ARMH4: variants seen among roughly 807,000 people sequenced by gnomAD.
ARMH4 encodes the protein armadillo-like helical domain-containing protein 4.
ARMH4 carries 49 observed loss-of-function variants against 61.9 expected under a neutral mutation model. The ratio of observed to expected loss-of-function variants is 0.79; its 90% confidence interval spans 0.63 to 1.00. The LOEUF is 1.00. Among genes scored for constraint, ARMH4 ranks in the 50% least tolerant of loss-of-function variants. The pLI is 0.00. For missense variants in ARMH4, 934 were observed against 930.0 expected (o/e 1.00, Z -0.06); for synonymous variants, 368 against 341.5 (o/e 1.08, Z -0.85).
intron 5 of ARMH4, among the ~76,000 whole-genome samples, chr14:58,018,751 C>G (rs1285760075): frequency 6.6e-6 from 1 of 152,106 alleles, no homozygotes; most frequent in Non-Finnish European, 1.5e-5. Context: ...TATCATGTGA[C>G]CCTGCAATCC....
At chr14:58,053,376 G>T (rs1884209717) in intron 5 of ARMH4, among the ~76,000 whole-genome samples, 1 of 152,162 alleles carries the variant, frequency 6.6e-6, no homozygotes, top group Non-Finnish European at 1.5e-5. Context: ...GCAGGGTCTT[G>T]CAGGGTTTGG....
At position 58,004,012 on chromosome 14, in the gene ARMH4, T is replaced by C. The variant is rs1882070297; in HGVS notation, c.*724A>G. On this transcript the variant is annotated 3_prime_UTR_variant, in exon 8 of 8. Transcript: ENST00000267485. ...AACATGTATGACATGTATGATTGAG[T>C]CTGTTGGACTCAATCACACTATTTA... 6.6e-6 allele frequency: 1 copy of C among 152,046 alleles called. No homozygotes were observed. Among genetic ancestry groups the C allele is most frequent in the African/African-American group, 2.4e-5 (1 of 41,388 alleles). 9.4% of individuals were successfully genotyped at this position (152,046 alleles called of 1,614,324 possible).
chr14:58,008,368 C>G (rs1034044619), intron 6 of ARMH4, among the ~76,000 whole-genome samples: 3 of 152,144 alleles, frequency 2.0e-5, no homozygotes, highest in Non-Finnish European at 4.4e-5. Flanking sequence ...ACTCTTGTAT[C>G]TCATCTGTAA....
intron 5 of ARMH4, among the ~76,000 whole-genome samples, chr14:58,040,722 C>T (rs71414186): frequency 0.028 from 4,245 of 152,066 alleles, 76 homozygotes; most frequent in Non-Finnish European, 0.04. Context: ...TAAATTGAAA[C>T]CTGGAATATA....
intron 5 of ARMH4, among the ~76,000 whole-genome samples, chr14:58,023,785 A>G (rs1322242883): frequency 2.0e-5 from 3 of 152,250 alleles, no homozygotes; most frequent in Admixed American, 2.0e-4. Context: ...CATGAACTGC[A>G]GAATGGACAT....
intron 5 of ARMH4, among the ~76,000 whole-genome samples, chr14:58,018,527 A>G (rs567082125): frequency 2.0e-4 from 30 of 152,284 alleles, no homozygotes; most frequent in Admixed American, 4.6e-4. Flanking sequence ...CAACATCACT[A>G]ATTAATTTGC....
intron 5 of ARMH4, among the ~76,000 whole-genome samples, chr14:58,085,259 A>G (rs546382681): frequency 6.6e-6 from 1 of 152,230 alleles, no homozygotes; most frequent in African/African-American, 2.4e-5. Flanking sequence ...ACTCTTTAAC[A>G]TCATCTTTGT....
chr14:58,002,991 T>G lies in ARMH4; in HGVS notation c.*1745A>C, dbSNP rs1882031356. 1 of 152,198 alleles carries G rather than the reference T, an allele frequency of 6.6e-6. No homozygotes were observed. Among genetic ancestry groups the G allele is most frequent in the Non-Finnish European group, 1.5e-5 (1 of 68,038 alleles). 9.4% of individuals were successfully genotyped at this position (152,198 alleles called of 1,614,324 possible). A position where few individuals can be genotyped will look rare whatever the true frequency, so the allele number is the denominator to read the frequency against. On this transcript the variant is annotated 3_prime_UTR_variant, in exon 8 of 8. Transcript: ENST00000267485. ...ATTCAAAAACGGATTCTAGGAAGGT[T>G]TATTAGTTCCATAGAGGTGATACTC...
intron 5 of ARMH4, among the ~76,000 whole-genome samples, chr14:58,036,179 G>C (rs1264990356): frequency 1.1e-5 from 1 of 91,910 alleles, no homozygotes; most frequent in African/African-American, 4.4e-5. Flanking sequence ...GAATCCAGCA[G>C]CACATCAAAA....
At chr14:58,006,844 G>A (rs2141125600) in intron 6 of ARMH4, among the ~76,000 whole-genome samples, 1 of 151,988 alleles carries the variant, frequency 6.6e-6, no homozygotes, top group South Asian at 2.1e-4. Flanking sequence ...CACCAACATG[G>A]CACATGTATA....
intron 5 of ARMH4, among the ~76,000 whole-genome samples, chr14:58,013,664 G>A (rs1316714135): frequency 6.6e-6 from 1 of 152,126 alleles, no homozygotes; most frequent in Non-Finnish European, 1.5e-5. Context: ...TGAAAGTCAG[G>A]TCAGATTATG....
chr14:58,025,592 TTTC>T (rs1444358416), intron 5 of ARMH4, among the ~76,000 whole-genome samples: 1 of 152,200 alleles, frequency 6.6e-6, no homozygotes, highest in Non-Finnish European at 1.5e-5. Flanking sequence ...GCTCTTTTTC[TTTC>T]TTGTTATTTA....
Position 58,145,588 on chromosome 14 carries a change from T to A in ARMH4, c.-56-6174A>T, listed in dbSNP as rs115265653. On this transcript the variant is annotated intron_variant, in intron 1 of 7. Coordinates refer to ENST00000267485, the MANE Select transcript of ARMH4 (RefSeq NM_001001872.4). The stretch of plus-strand genomic sequence containing the variant: ...TCCAAAACATAATTTTCCTTCCAAG[T>A]TTATTTTCATCTGTATCTTGGGTTT... 7.5e-3 allele frequency among the ~76,000 whole-genome samples: 1,146 copies of A among 152,354 alleles called. 16 individuals are homozygous for A. Among genetic ancestry groups the A allele is most frequent in the African/African-American group, 0.026 (1,079 of 41,588 alleles).
At chr14:58,026,738 T>G (rs2141156815) in intron 5 of ARMH4, among the ~76,000 whole-genome samples, 1 of 152,216 alleles carries the variant, frequency 6.6e-6, no homozygotes, top group Admixed American at 6.5e-5. Context: ...CAATTTTAGG[T>G]AAGGTGATAA....
At chr14:58,095,478 A>G (rs73306274) in intron 5 of ARMH4, among the ~76,000 whole-genome samples, 9,550 of 152,278 alleles carry the variant, frequency 0.063, 378 homozygotes, top group Middle Eastern at 0.12. Flanking sequence ...GACCAGAGAT[A>G]ATCTTATTTT....
At chr14:58,110,771 G>C (rs1455796051) in intron 4 of ARMH4, among the ~76,000 whole-genome samples, 1 of 151,898 alleles carries the variant, frequency 6.6e-6, no homozygotes, top group Non-Finnish European at 1.5e-5. Flanking sequence ...ACCCAGGCTG[G>C]AGTGCAATGG....
intron 1 of ARMH4, among the ~76,000 whole-genome samples, chr14:58,143,555 C>G (rs529585467): frequency 2.0e-5 from 3 of 152,196 alleles, no homozygotes; most frequent in South Asian, 2.1e-4. Flanking sequence ...CCTCTGTCAC[C>G]CAGGTTCAAG....
At chr14:58,050,263 G>A (rs1376180710) in intron 5 of ARMH4, among the ~76,000 whole-genome samples, 1 of 152,178 alleles carries the variant, frequency 6.6e-6, no homozygotes, top group Non-Finnish European at 1.5e-5. Flanking sequence ...GTGGAAGGGG[G>A]CAGGGACAAA....
intron 5 of ARMH4, among the ~76,000 whole-genome samples, chr14:58,074,702 C>T (rs1164865061): frequency 6.6e-6 from 1 of 152,000 alleles, no homozygotes; most frequent in African/African-American, 2.4e-5. Flanking sequence ...CGTAAATAGC[C>T]TCGAAAGCCC....
Sources: gnomAD v4.1 joint callset for allele counts (sites outside exome capture counted in the v4.1 genomes callset) on GRCh38, gnomAD v4.1.1 for gene constraint, MANE v1.5 for transcripts, NCBI Gene and HGNC (gene_info 2026-07-23, HGNC 2026-07-21) for gene names.